TEX15: variants seen among roughly 807,000 people sequenced by gnomAD.
TEX15 encodes testis expressed 15, meiosis and synapsis associated.
In TEX15, 171 loss-of-function variants were observed where a neutral mutation model predicts 237.3. That is an observed-to-expected ratio of 0.72 (90% CI 0.64 to 0.82). The LOEUF is 0.82. Among genes scored for constraint, TEX15 ranks in the 40% least tolerant of loss-of-function variants. TEX15 has a pLI of 0.00. For missense variants in TEX15, 3,750 were observed against 3,646.5 expected (o/e 1.03, Z -0.73); for synonymous variants, 1,338 against 1,269.8 (o/e 1.05, Z -1.14).
At chr8:30,874,795 A>T (rs1377322958) in intron 4 of TEX15, 142 bp downstream of exon 4, 4 of 477,666 alleles carry the variant, frequency 8.4e-6, no homozygotes, top group African/African-American at 4.0e-5. Flanking sequence ...GTTACAAAAG[A>T]CTATGAGAAT....
chr8:30,836,120 T>C (rs2720596), intron 10 of TEX15, among the ~76,000 whole-genome samples: 97,235 of 151,332 alleles, frequency 0.64, 36,358 homozygotes, highest in East Asian at 0.9. Flanking sequence ...TTTCCACATT[T>C]ATGTAGGTAA....
chr8:30,898,323 G>A (rs892255414), intron 2 of TEX15, among the ~76,000 whole-genome samples: 5 of 152,088 alleles, frequency 3.3e-5, no homozygotes, highest in African/African-American at 1.2e-4. Context: ...TCGTGAATGG[G>A]ATTAGCATAC....
chr8:30,862,710 C>A (rs538835463), intron 5 of TEX15, among the ~76,000 whole-genome samples: 2 of 152,234 alleles, frequency 1.3e-5, no homozygotes, highest in African/African-American at 4.8e-5. Flanking sequence ...AATCAGGATA[C>A]CTACTGTGAT....
At chr8:30,859,492 T>TG (rs1807993090) in intron 6 of TEX15, among the ~76,000 whole-genome samples, 1 of 152,126 alleles carries the variant, frequency 6.6e-6, no homozygotes, top group Non-Finnish European at 1.5e-5. Context: ...ATGTATACAA[T>TG]GAGGAGTAAT....
intron 3 of TEX15, among the ~76,000 whole-genome samples, chr8:30,880,511 A>G (rs946854118): frequency 9.2e-5 from 14 of 152,112 alleles, no homozygotes; most frequent in African/African-American, 2.4e-4. Context: ...CCTCTTCCTT[A>G]GCCTACTCAA....
chr8:30,860,071 A>G lies in TEX15; in HGVS notation c.541-14T>C, dbSNP rs1808010862. ...TCCAAAGAGAACCTAAAAAAAAAAA[A>G]GCCAAAAAAAAAGTACGTAAAAATA... is the stretch of plus-strand genomic sequence containing the variant. On this transcript the variant is annotated splice_polypyrimidine_tract_variant and intron_variant, in intron 5 of 10. Transcript: ENST00000643185. The G allele has an allele frequency of 7.0e-7, 1 of 1,433,310 alleles. No individual in the cohort carries two copies. Among genetic ancestry groups the G allele is most frequent in the South Asian group, 1.4e-5 (1 of 70,926 alleles). The allele number at this position is 1,433,310 out of a possible 1,614,324, so 88.8% of individuals were successfully genotyped here. A position where few individuals can be genotyped will look rare whatever the true frequency, so the allele number is the denominator to read the frequency against.
Position 30,843,895 on chromosome 8 carries a change from CT to C in TEX15, c.6271del (p.Arg2091GlyfsTer3). On this transcript the variant is annotated frameshift_variant, in exon 8 of 11. Coordinates refer to ENST00000643185, the MANE Select transcript of TEX15 (RefSeq NM_001350162.2). LOFTEE classifies it high-confidence loss of function. ...ETIQFIENKK[R>X]HLEGEPTLRS... ...CAATGTTGGTTCACCTTCTAAGTGC[CT>C]TTTTTTGTTTTCAATGAATTGAATT... 2 of 1,612,780 alleles carry C rather than the reference CT, an allele frequency of 1.2e-6. No individual in the cohort carries two copies. Among genetic ancestry groups the C allele is most frequent in the South Asian group, 1.1e-5 (1 of 90,912 alleles).
intron 7 of TEX15, among the ~76,000 whole-genome samples, chr8:30,853,996 A>C (rs1807844480): frequency 6.6e-6 from 1 of 152,104 alleles, no homozygotes; most frequent in Non-Finnish European, 1.5e-5. Context: ...GGACACAGCT[A>C]AAGTAGTTGT....
intron 1 of TEX15, among the ~76,000 whole-genome samples, chr8:30,904,446 CAAA>C (rs200542503): frequency 9.8e-5 from 10 of 102,024 alleles, no homozygotes; most frequent in Admixed American, 2.0e-4. Context: ...GACTCCGTCT[CAAA>C]AAAAAAAAAA....
Position 30,846,616 on chromosome 8 carries a change from T to C in TEX15, c.3551A>G (p.His1184Arg). ...SLALKDSFCT[H>R]VTEATKPEIN... ...TTCCGGTTTTGTGGCTTCAGTTACA[T>C]GTGTGCAAAAACTATCTTTCAATGC... Residue 1184 changes from histidine (H) to arginine (R), a missense_variant, in exon 8 of 11, where the codon CAT (histidine) becomes CGT (arginine). His to Arg is a conservative substitution (Grantham distance 29). Transcript: ENST00000643185. The C allele has an allele frequency of 6.2e-7, 1 of 1,613,920 alleles. No individual in the cohort carries two copies. Among genetic ancestry groups the C allele is most frequent in the Admixed American group, 1.7e-5 (1 of 60,006 alleles).
chr8:30,841,765 A>C (rs990610154), intron 8 of TEX15, among the ~76,000 whole-genome samples: 4 of 152,208 alleles, frequency 2.6e-5, no homozygotes, highest in Non-Finnish European at 5.9e-5. Flanking sequence ...ATGTTTTCTA[A>C]GTTAAAACAT....
chr8:30,868,935 T>C (rs1808231717), intron 4 of TEX15, among the ~76,000 whole-genome samples: 1 of 151,026 alleles, frequency 6.6e-6, no homozygotes, highest in Non-Finnish European at 1.5e-5. Flanking sequence ...TTCAGTGGAA[T>C]GAAACAAATA....
chr8:30,877,476 C>T (rs1372324413), intron 3 of TEX15, among the ~76,000 whole-genome samples: 2 of 152,098 alleles, frequency 1.3e-5, no homozygotes, highest in Non-Finnish European at 2.9e-5. Flanking sequence ...CTATAACCAG[C>T]TGATTTCAGT....
At chr8:30,892,749 T>C (rs979577388) in intron 2 of TEX15, among the ~76,000 whole-genome samples, 1 of 152,212 alleles carries the variant, frequency 6.6e-6, no homozygotes, top group Non-Finnish European at 1.5e-5. Context: ...AAAATGATGT[T>C]GTAGCTGGGC....
In TEX15 at chr8:30,848,586, G is replaced by C; in HGVS notation, c.1581C>G (p.Thr527=). The C allele has an allele frequency of 1.2e-6, 2 of 1,614,064 alleles. No individual in the cohort carries two copies. The highest frequency in any genetic ancestry group is 1.7e-6 in the Non-Finnish European group (2 of 1,180,006). ...CTTGGTCCTTACATTGCCCTGCCAT[G>C]GTAACTTTATTGGGAGGTATACAGT... ...DYDCIPPNKV[T]MAGQCKDQGN... is the part of the protein sequence containing the mutation. Residue 527 remains threonine, a synonymous_variant, in exon 8 of 11, where the codon ACC becomes ACG. Coordinates refer to ENST00000643185, the MANE Select transcript of TEX15 (RefSeq NM_001350162.2).
intron 1 of TEX15, among the ~76,000 whole-genome samples, chr8:30,911,458 T>G (rs903400690): frequency 1.3e-5 from 2 of 152,134 alleles, no homozygotes; most frequent in East Asian, 1.9e-4. Flanking sequence ...CGCCAAAGCT[T>G]GTATCACTTC....
intron 4 of TEX15, among the ~76,000 whole-genome samples, chr8:30,871,568 T>C (rs1007232331): frequency 7.9e-5 from 12 of 152,068 alleles, no homozygotes; most frequent in African/African-American, 2.7e-4. Context: ...GCAAGGGGAA[T>C]TGGACAAAAA....
chr8:30,852,039 A>G (rs1807798759), intron 7 of TEX15, among the ~76,000 whole-genome samples: 1 of 152,080 alleles, frequency 6.6e-6, no homozygotes, highest in Admixed American at 6.6e-5. Context: ...ACAAAAACTT[A>G]TAAAATACTT....
Position 30,893,917 on chromosome 8 carries a change from T to G in TEX15, c.-10+4825A>C, listed in dbSNP as rs569249413. Among the ~76,000 whole-genome samples, 9 of 54,118 alleles carry G rather than the reference T, an allele frequency of 1.7e-4. No individual in the cohort carries two copies. In the African/African-American group the frequency reaches 3.3e-3, roughly 20 times the overall value. 35.5% of individuals were successfully genotyped at this position (54,118 alleles called of 152,430 possible). A position where few individuals can be genotyped will look rare whatever the true frequency, so the allele number is the denominator to read the frequency against. On this transcript the variant is annotated intron_variant, in intron 2 of 10. Coordinates refer to ENST00000643185, the MANE Select transcript of TEX15 (RefSeq NM_001350162.2). ...TCTATTTCCTTAGTATAGAACTTCT[T>G]TTACCTATGTTCAAATTTCTATCTT... is the stretch of plus-strand genomic sequence containing the variant.
Sources: allele counts gnomAD v4.1 joint callset (sites outside exome capture counted in the v4.1 genomes callset), GRCh38; gene constraint gnomAD v4.1.1; transcripts MANE v1.5; gene names NCBI Gene and HGNC (gene_info 2026-07-23, HGNC 2026-07-21).